GALNT5: variants seen among roughly 807,000 people sequenced by gnomAD.
GALNT5 encodes the protein UDP-GalNAc:polypeptide N-acetylgalactosaminyltransferase 5.
In GALNT5, 72 loss-of-function variants were observed where a neutral mutation model predicts 85.4. That is an observed-to-expected ratio of 0.84 (90% CI 0.70 to 1.03). GALNT5 has a LOEUF of 1.03. Ranked by LOEUF, GALNT5 falls within the 50% of genes least tolerant of loss-of-function variation. The pLI is 0.00. For missense variants in GALNT5, 1,137 were observed against 1,135.5 expected (o/e 1.00, Z -0.02); for synonymous variants, 404 against 397.0 (o/e 1.02, Z -0.21).
chr2:157,291,768 C>T (rs1209195984), intron 3 of GALNT5, among the ~76,000 whole-genome samples: 2 of 151,968 alleles, frequency 1.3e-5, no homozygotes, highest in African/African-American at 2.4e-5. Context: ...ATTCTTTAAC[C>T]CGCCTCTCCC....
At chr2:157,265,769 T>C (rs1212221562) in intron 1 of GALNT5, among the ~76,000 whole-genome samples, 3 of 152,146 alleles carry the variant, frequency 2.0e-5, no homozygotes, top group South Asian at 2.1e-4. Context: ...TCAGGGAAAA[T>C]AGCAATGTTT....
intron 1 of GALNT5, among the ~76,000 whole-genome samples, chr2:157,278,250 T>G (rs751078434): frequency 2.6e-5 from 4 of 152,222 alleles, no homozygotes; most frequent in South Asian, 4.1e-4. Flanking sequence ...TGGCTGTCCT[T>G]AACATTTTTC....
chr2:157,268,329 C>T (rs1682504848), intron 1 of GALNT5, among the ~76,000 whole-genome samples: 1 of 152,166 alleles, frequency 6.6e-6, no homozygotes, highest in Admixed American at 6.5e-5. Context: ...GGACGCATCA[C>T]TTTCTGGGTC....
At chr2:157,262,207 T>TAAA (rs535714685) in intron 1 of GALNT5, among the ~76,000 whole-genome samples, 210 of 97,840 alleles carry the variant, frequency 2.1e-3, no homozygotes, top group African/African-American at 6.2e-3. Context: ...CCAAAAAATG[T>TAAA]AAAAAAAAAA....
At chr2:157,277,724 T>A (rs1682766246) in intron 1 of GALNT5, among the ~76,000 whole-genome samples, 1 of 152,224 alleles carries the variant, frequency 6.6e-6, no homozygotes, top group African/African-American at 2.4e-5. Context: ...TCTCTGCACA[T>A]GAGATGGGTC....
chr2:157,265,717 T>C (rs1682442616), intron 1 of GALNT5, among the ~76,000 whole-genome samples: 1 of 152,216 alleles, frequency 6.6e-6, no homozygotes, highest in South Asian at 2.1e-4. Flanking sequence ...GAACAGAGCC[T>C]CTCAAGAGAG....
intron 3 of GALNT5, among the ~76,000 whole-genome samples, chr2:157,294,306 A>ACAGAG (rs1201758081): frequency 6.6e-6 from 1 of 152,190 alleles, no homozygotes; most frequent in Non-Finnish European, 1.5e-5. Context: ...TCAGAGCAGA[A>ACAGAG]CAGAGCAGAC....
chr2:157,260,483 C>A (rs1016470014), intron 1 of GALNT5, among the ~76,000 whole-genome samples: 5 of 152,142 alleles, frequency 3.3e-5, no homozygotes, highest in African/African-American at 1.2e-4. Flanking sequence ...GGGTTCCTGG[C>A]ATTTTTTTTC....
rs1192636315 is a variant in GALNT5, at chr2:157,286,105, C to G, written c.1712C>G (p.Ala571Gly). 3 of 1,613,214 alleles carry G rather than the reference C, an allele frequency of 1.9e-6. No individual in the cohort carries two copies. Among genetic ancestry groups the G allele is most frequent in the Non-Finnish European group, 2.5e-6 (3 of 1,179,184 alleles). The part of the protein sequence containing the change: ...RLKERHGLIR[A>G]RLAGAQNATG... Reference sequence around the variant, plus strand: ...AAAGAGAGACATGGCTTAATAAGGGCCAGGCTGGCAGGAGCACAGAATGCA... The same window carrying G: ...AAAGAGAGACATGGCTTAATAAGGGGCAGGCTGGCAGGAGCACAGAATGCA... Residue 571 changes from alanine (A) to glycine (G), a missense_variant, in exon 3 of 10, where the codon GCC (alanine) becomes GGC (glycine). By Grantham distance (60) the Ala-to-Gly change is moderately conservative. Transcript: ENST00000259056.
In GALNT5 at chr2:157,267,867, T is replaced by C. The variant is rs563730850; in HGVS notation, c.1454+8331T>C. 1.1e-4 allele frequency among the ~76,000 whole-genome samples: 16 copies of C among 152,326 alleles called. No homozygotes were observed. In the South Asian group the frequency reaches 3.1e-3, roughly 30 times the overall value. ...ACTGAATGTCATGGATAGTCTACCCTAGAAAGAACAAAACATGAAAATACA... is the reference window on the plus strand; with the variant it reads ...ACTGAATGTCATGGATAGTCTACCCCAGAAAGAACAAAACATGAAAATACA... On this transcript the variant is annotated intron_variant, in intron 1 of 9. Coordinates refer to ENST00000259056, the MANE Select transcript of GALNT5 (RefSeq NM_014568.3).
intron 1 of GALNT5, among the ~76,000 whole-genome samples, chr2:157,277,562 T>C (rs1682761067): frequency 6.6e-6 from 1 of 152,250 alleles, no homozygotes; most frequent in Non-Finnish European, 1.5e-5. Context: ...CTGATCCCTT[T>C]ACCATTATGT....
intron 7 of GALNT5, among the ~76,000 whole-genome samples, chr2:157,304,961 G>A (rs562245977): frequency 1.3e-5 from 2 of 152,290 alleles, no homozygotes; most frequent in South Asian, 2.1e-4. Flanking sequence ...TCCCAGCTCA[G>A]GAGGCTTTCC....
intron 3 of GALNT5, among the ~76,000 whole-genome samples, chr2:157,289,870 G>C (rs1240034364): frequency 6.6e-6 from 1 of 151,934 alleles, no homozygotes; most frequent in Non-Finnish European, 1.5e-5. Context: ...TCAGGAGTTC[G>C]AGACCAGCCT....
intron 8 of GALNT5, 115 bp downstream of exon 8, chr2:157,305,944 T>G: frequency 1.5e-6 from 1 of 649,568 alleles, no homozygotes; most frequent in Non-Finnish European, 2.7e-6. Context: ...TCTAAATTTC[T>G]TTGTAAAAAG....
rs1682270301 is a variant in GALNT5 at position 157,259,044 on chromosome 2, A to G, written c.962A>G (p.His321Arg). 2 of 1,476,130 alleles carry G rather than the reference A, an allele frequency of 1.4e-6. No individual in the cohort carries two copies. Among genetic ancestry groups the G allele is most frequent in the African/African-American group, 1.4e-5 (1 of 71,214 alleles). 91.4% of individuals were successfully genotyped at this position (1,476,130 alleles called of 1,614,324 possible). ...HGKKLNFSES[H>R]LVIITKEEEQ... Reference sequence around the variant, plus strand: ...AAGAAACTCAATTTCTCTGAAAGCCATCTTGTGATTATAACCAAAGAGGAA... The same window carrying G: ...AAGAAACTCAATTTCTCTGAAAGCCGTCTTGTGATTATAACCAAAGAGGAA... Residue 321 changes from histidine to arginine, a missense_variant, in exon 1 of 10, where the codon CAT (histidine) becomes CGT (arginine). Coordinates refer to ENST00000259056, the MANE Select transcript of GALNT5 (RefSeq NM_014568.3).
At position 157,318,134 on chromosome 2, in the gene GALNT5, T is replaced by C. The variant is rs1449283867; in HGVS notation, c.*6786T>C. On this transcript the variant is annotated 3_prime_UTR_variant, in exon 10 of 10. Coordinates refer to ENST00000259056, the MANE Select transcript of GALNT5 (RefSeq NM_014568.3). ...TTTCTTCTTTATTATACTCTGGTGC[T>C]TTATCCTTCTCCATAATTCTCTATT... Among the ~76,000 whole-genome samples, 1 of 152,180 alleles carries C rather than the reference T, an allele frequency of 6.6e-6. No homozygotes were observed. Among genetic ancestry groups the C allele is most frequent in the African/African-American group, 2.4e-5 (1 of 41,462 alleles).
chr2:157,263,762 TGCA>T (rs1036116496), intron 1 of GALNT5, among the ~76,000 whole-genome samples: 55 of 152,366 alleles, frequency 3.6e-4, no homozygotes, highest in Admixed American at 1.4e-3. Flanking sequence ...AAATGAAACC[TGCA>T]GCAAGTCTGT....
intron 5 of GALNT5, chr2:157,299,220 T>G (rs1285429262): frequency 1.2e-5 from 2 of 165,378 alleles, no homozygotes; most frequent in Non-Finnish European, 2.6e-5. Context: ...GGCTGGAATA[T>G]ATATATAATA....
chr2:157,272,516 T>G (rs1446565772), intron 1 of GALNT5, among the ~76,000 whole-genome samples: 1 of 152,188 alleles, frequency 6.6e-6, no homozygotes, highest in Non-Finnish European at 1.5e-5. Context: ...GTTTTTCAAC[T>G]GTTACCCCTC....
Sources: allele counts gnomAD v4.1 joint callset (sites outside exome capture counted in the v4.1 genomes callset), GRCh38; gene constraint gnomAD v4.1.1; transcripts MANE v1.5; gene names NCBI Gene and HGNC (gene_info 2026-07-23, HGNC 2026-07-21).